MGAT5B: variants seen among roughly 807,000 people sequenced by gnomAD.
MGAT5B encodes the protein N-acetylglucosaminyl-transferase Vb.
In MGAT5B, 54 loss-of-function variants were observed where a neutral mutation model predicts 95.1. That is an observed-to-expected ratio of 0.57 (90% confidence interval 0.46 to 0.71). MGAT5B has a LOEUF of 0.71. MGAT5B is among the 30% of genes least tolerant of loss of function. MGAT5B has a pLI of 0.00. For synonymous variants in MGAT5B, 464 were observed against 451.0 expected (o/e 1.03, Z -0.36); for missense variants, 935 against 1,088.6 (o/e 0.86, Z 1.99).
chr17:76,899,415 G>A (rs146444717), intron 3 of MGAT5B, among the ~76,000 whole-genome samples: 1 of 152,246 alleles, frequency 6.6e-6, no homozygotes, highest in African/African-American at 2.4e-5. Flanking sequence ...AGACTGAGGC[G>A]GGAGGATCAC....
intron 15 of MGAT5B, among the ~76,000 whole-genome samples, chr17:76,945,465 G>A (rs970538216): frequency 6.6e-6 from 1 of 151,940 alleles, no homozygotes; most frequent in Non-Finnish European, 1.5e-5. Context: ...AATTTTTTTT[G>A]TATTAGTAGA....
chr17:76,946,307 C>T (rs773126695), intron 15 of MGAT5B, 69 bp from the exon 16 acceptor site: 2 of 1,380,802 alleles, frequency 1.4e-6, no homozygotes, highest in Non-Finnish European at 2.0e-6. Context: ...ACCCCCAATG[C>T]CGAGCATGGC....
chr17:76,921,444 A>AG (rs1428959109), intron 8 of MGAT5B, among the ~76,000 whole-genome samples: 1 of 151,450 alleles, frequency 6.6e-6, no homozygotes, highest in Non-Finnish European at 1.5e-5. Flanking sequence ...ATTGCTCAGC[A>AG]GGGGGCCCCT....
chr17:76,907,144 C>G (rs527823258), intron 8 of MGAT5B, among the ~76,000 whole-genome samples: 1 of 151,954 alleles, frequency 6.6e-6, no homozygotes, highest in Non-Finnish European at 1.5e-5. Flanking sequence ...CTCCGCCTCC[C>G]GGGTTCAAGC....
intron 3 of MGAT5B, 95 bp from the exon 4 acceptor site, chr17:76,902,460 C>A: frequency 1.2e-6 from 1 of 858,390 alleles, no homozygotes; most frequent in South Asian, 1.6e-5. Flanking sequence ...CATTGCAGAG[C>A]CTGCCGCCTT....
intron 8 of MGAT5B, among the ~76,000 whole-genome samples, chr17:76,907,490 A>G (rs923294953): frequency 2.0e-5 from 3 of 148,222 alleles, no homozygotes; most frequent in African/African-American, 7.7e-5. Flanking sequence ...GCTTTCTTCA[A>G]ACTCACTCTG....
At chr17:76,936,014 G>C (rs1325724309) in intron 12 of MGAT5B, among the ~76,000 whole-genome samples, 1 of 147,834 alleles carries the variant, frequency 6.8e-6, no homozygotes, top group Admixed American at 6.9e-5. Flanking sequence ...TTGCCCATTC[G>C]GGTCGCAAAC....
At chr17:76,946,560 C>A in intron 16 of MGAT5B, 110 bp downstream of exon 16, 1 of 884,424 alleles carries the variant, frequency 1.1e-6, no homozygotes, top group Non-Finnish European at 1.6e-6. Flanking sequence ...ATCCAACTCC[C>A]TGCTCCCTCC....
At chr17:76,877,536 G>A (rs904778193) in intron 2 of MGAT5B, among the ~76,000 whole-genome samples, 1 of 152,096 alleles carries the variant, frequency 6.6e-6, no homozygotes, top group African/African-American at 2.4e-5. Flanking sequence ...AGGGGCCCTG[G>A]GGCTCTTCTC....
intron 16 of MGAT5B, 108 bp downstream of exon 16, chr17:76,946,558 C>T (rs1015258923): frequency 1.0e-5 from 9 of 904,220 alleles, no homozygotes; most frequent in Non-Finnish European, 1.4e-5. Flanking sequence ...CCATCCAACT[C>T]CCTGCTCCCT....
At chr17:76,896,744 T>C (rs906553263) in intron 3 of MGAT5B, among the ~76,000 whole-genome samples, 1 of 152,178 alleles carries the variant, frequency 6.6e-6, no homozygotes, top group Non-Finnish European at 1.5e-5. Flanking sequence ...CCAATACATC[T>C]CTGGCTAATG....
At chr17:76,901,144 T>C (rs1206984649) in intron 3 of MGAT5B, among the ~76,000 whole-genome samples, 1 of 151,672 alleles carries the variant, frequency 6.6e-6, no homozygotes, top group African/African-American at 2.4e-5. Flanking sequence ...GGTGGGAGAG[T>C]GTGATGGCTG....
At chr17:76,936,363 G>A (rs920658987) in intron 12 of MGAT5B, among the ~76,000 whole-genome samples, 12 of 152,280 alleles carry the variant, frequency 7.9e-5, no homozygotes, top group African/African-American at 1.2e-4. Context: ...AGTCGAGATC[G>A]CACCACTGCA....
chr17:76,947,063 T>G (rs1035973881), intron 16 of MGAT5B, among the ~76,000 whole-genome samples: 2 of 152,254 alleles, frequency 1.3e-5, no homozygotes, highest in Non-Finnish European at 2.9e-5. Context: ...TCCTGGTGGA[T>G]CTGAGCCACC....
At position 76,890,798 on chromosome 17, in the gene MGAT5B, C is replaced by T. The variant is rs138299361; in HGVS notation, c.329+8500C>T. 1.2e-4 allele frequency among the ~76,000 whole-genome samples: 18 copies of T among 152,200 alleles called. No homozygotes were observed. In the East Asian group the frequency reaches 1.9e-3, roughly 16 times the overall value. On this transcript the variant is annotated intron_variant, in intron 3 of 17. Coordinates refer to ENST00000569840, the MANE Select transcript of MGAT5B (RefSeq NM_001199172.2). Reference sequence around the variant, plus strand: ...GATTACAGGTGTGAGTCACCGTGCCCGGCCTCAAGCATTCATTTCTCACAG... The same window carrying T: ...GATTACAGGTGTGAGTCACCGTGCCTGGCCTCAAGCATTCATTTCTCACAG...
At chr17:76,899,826 G>T (rs1968239825) in intron 3 of MGAT5B, among the ~76,000 whole-genome samples, 1 of 139,770 alleles carries the variant, frequency 7.2e-6, no homozygotes, top group African/African-American at 2.7e-5. Context: ...ATTCTCGGTG[G>T]GAGCACATCA....
At position 76,914,981 on chromosome 17, in the gene MGAT5B, G is replaced by A. The variant is rs1968876113; in HGVS notation, c.1025+8794G>A. The stretch of plus-strand genomic sequence containing the variant: ...AGGACACCAGTCAACTTGGATTAGG[G>A]TCTACCCTAATGCCTTCATCTTAAC... On this transcript the variant is annotated intron_variant, in intron 8 of 17. Coordinates refer to ENST00000569840, the MANE Select transcript of MGAT5B (RefSeq NM_001199172.2). The surrounding 1 kb of genome is among the most constrained non-coding windows in gnomAD (Gnocchi z 5.1). Among the ~76,000 whole-genome samples, 1 of 152,152 alleles carries A rather than the reference G, an allele frequency of 6.6e-6. No individual in the cohort carries two copies. The highest frequency in any genetic ancestry group is 2.1e-4 in the South Asian group (1 of 4,818).
chr17:76,902,622 G>T lies in MGAT5B; in HGVS notation c.397G>T (p.Val133Leu). 1.2e-6 allele frequency: 2 copies of T among 1,603,800 alleles called. No homozygotes were observed. Among genetic ancestry groups the T allele is most frequent in the Non-Finnish European group, 1.7e-6 (2 of 1,175,006 alleles). The part of the protein sequence containing the change: ...AIAQNVSDIA[V>L]KVDQILRHSL... Reference sequence around the variant, plus strand: ...TGCCCAGAACGTCTCCGACATCGCTGTGAAGGTGGACCAGATCCTGCGCCA... The same window carrying T: ...TGCCCAGAACGTCTCCGACATCGCTTTGAAGGTGGACCAGATCCTGCGCCA... The change falls in exon 4 of 18, where the codon GTG becomes TTG. Residue 133 changes from valine to leucine, a missense_variant. Around this residue, in one of 4 missense-constraint regions of MGAT5B, gnomAD observed 243 missense variants for 228.2 expected, o/e 1.06. Transcript: ENST00000569840.
At chr17:76,904,023 C>T (rs894949) in intron 5 of MGAT5B, among the ~76,000 whole-genome samples, 54,605 of 152,098 alleles carry the variant, frequency 0.36, 10,594 homozygotes, top group East Asian at 0.85. Context: ...CTCCCAGTCT[C>T]TCCTCTTTCC....
Sources: gnomAD v4.1 joint callset for allele counts (sites outside exome capture counted in the v4.1 genomes callset) on GRCh38, gnomAD v4.1.1 for gene constraint, gnomAD v4.1.1 regional missense constraint, Gnocchi (gnomAD v3.1) non-coding constraint, MANE v1.5 for transcripts, NCBI Gene and HGNC (gene_info 2026-07-23, HGNC 2026-07-21) for gene names.